Variants in COL24A1 observed in about 807,000 individuals in gnomAD.
COL24A1 encodes the protein collagen type XXIV alpha 1 chain.
A neutral mutation model predicts 253.9 loss-of-function variants in COL24A1; 224 were observed. The ratio of observed to expected loss-of-function variants is 0.88; its 90% CI spans 0.79 to 0.99. The LOEUF is 0.99. COL24A1 is among the 50% of genes least tolerant of loss of function. The probability of loss-of-function intolerance (pLI) is 0.00; values close to 1 mark genes in which losing one functional copy is unlikely to be tolerated. For synonymous variants in COL24A1, 685 were observed against 673.7 expected, an observed-to-expected ratio of 1.02 and a Z score of -0.26; for missense variants, 2,131 against 2,068.5, an observed-to-expected ratio of 1.03 and a Z score of -0.59.
intron 2 of COL24A1, among the ~76,000 whole-genome samples, chr1:86,139,590 T>C (rs1432875251): frequency 1.3e-5 from 2 of 152,196 alleles, no homozygotes; most frequent in Non-Finnish European, 1.5e-5. Flanking sequence ...AAAGGAGTAA[T>C]ATATCGCTTT....
intron 39 of COL24A1, among the ~76,000 whole-genome samples, chr1:85,842,625 C>G (rs1474092021): frequency 7.3e-6 from 1 of 136,540 alleles, no homozygotes; most frequent in Admixed American, 7.4e-5. Flanking sequence ...ATATAAATAT[C>G]CTTAATCATA....
intron 2 of COL24A1, among the ~76,000 whole-genome samples, chr1:86,144,704 G>T (rs2102408907): frequency 6.6e-6 from 1 of 150,644 alleles, no homozygotes; most frequent in African/African-American, 2.4e-5. Flanking sequence ...GTCAAAATAT[G>T]AGCTCAAATC....
At chr1:86,042,785 C>T (rs1559099754) in intron 12 of COL24A1, among the ~76,000 whole-genome samples, 2 of 152,146 alleles carry the variant, frequency 1.3e-5, no homozygotes, top group Non-Finnish European at 2.9e-5. Context: ...TTTATAGTAA[C>T]ATCTTCCCAA....
At position 86,022,343 on chromosome 1, in the gene COL24A1, G is replaced by C. The variant is rs780659834; in HGVS notation, c.2203-50C>G. Reference sequence around the variant, plus strand: ...GAAAGTTATTATACCACAAAAGGCAGACATACCACTATTTACAAACTGCTA... The same window carrying C: ...GAAAGTTATTATACCACAAAAGGCACACATACCACTATTTACAAACTGCTA... On this transcript the variant is annotated intron_variant, in intron 17 of 59. Coordinates refer to ENST00000370571, the MANE Select transcript of COL24A1 (RefSeq NM_152890.7). The C allele has an allele frequency of 1.3e-5, 19 of 1,518,234 alleles. No homozygotes were observed. The Admixed American group carries it at 3.2e-4, about 25-fold the overall frequency. The allele number at this position is 1,518,234 out of a possible 1,614,324, so 94.0% of individuals were successfully genotyped here.
At chr1:85,819,435 C>T (rs980346359) in intron 45 of COL24A1, among the ~76,000 whole-genome samples, 2 of 151,896 alleles carry the variant, frequency 1.3e-5, no homozygotes, top group African/African-American at 4.8e-5. Context: ...CGAGATATAT[C>T]TGTTCTATAC....
At chr1:85,761,636 ATAT>A (rs1375623771) in intron 53 of COL24A1, 70 bp from the exon 54 acceptor site, 2 of 1,473,054 alleles carry the variant, frequency 1.4e-6, no homozygotes, top group Non-Finnish European at 1.9e-6. Context: ...AAGATAACTA[ATAT>A]TCAACCTCTG....
intron 19 of COL24A1, among the ~76,000 whole-genome samples, chr1:86,000,069 C>G (rs1047055036): frequency 2.6e-5 from 4 of 152,182 alleles, no homozygotes; most frequent in African/African-American, 9.7e-5. Context: ...ACCTAGGTCT[C>G]TAGGCTCTGC....
intron 26 of COL24A1, 64 bp from the exon 27 acceptor site, chr1:85,908,715 G>A (rs947752373): frequency 2.0e-5 from 13 of 659,036 alleles, no homozygotes; most frequent in South Asian, 6.9e-5. Context: ...TTTCATTGAA[G>A]ACAAGCCAGT....
chr1:85,746,817 T>C (rs1665273330), intron 55 of COL24A1, among the ~76,000 whole-genome samples: 1 of 152,184 alleles, frequency 6.6e-6, no homozygotes, highest in Non-Finnish European at 1.5e-5. Context: ...AAATATTCTC[T>C]GCAGATTAAA....
intron 24 of COL24A1, among the ~76,000 whole-genome samples, chr1:85,921,898 G>A (rs191333424): frequency 3.3e-5 from 5 of 152,284 alleles, no homozygotes; most frequent in South Asian, 2.1e-4. Context: ...GGAACTCATC[G>A]CAAGTAAGCT....
chr1:86,038,071 T>A (rs185027384), intron 12 of COL24A1, among the ~76,000 whole-genome samples: 51 of 152,244 alleles, frequency 3.3e-4, no homozygotes, highest in African/African-American at 1.1e-3. Flanking sequence ...CTGTCGCCAA[T>A]GTAAAAAAAA....
At chr1:86,003,471 A>G (rs980538323) in intron 19 of COL24A1, among the ~76,000 whole-genome samples, 4 of 152,192 alleles carry the variant, frequency 2.6e-5, no homozygotes, top group African/African-American at 9.7e-5. Flanking sequence ...CTACAGGAAT[A>G]TGTGTTAGGG....
chr1:85,899,427 T>C (rs551462431), intron 28 of COL24A1, among the ~76,000 whole-genome samples: 63 of 152,256 alleles, frequency 4.1e-4, no homozygotes, highest in African/African-American at 1.3e-3. Context: ...ACAGCATCAA[T>C]AGAAAACAAA....
At chr1:85,976,135 C>T (rs545029685) in intron 20 of COL24A1, among the ~76,000 whole-genome samples, 12 of 152,228 alleles carry the variant, frequency 7.9e-5, no homozygotes, top group Non-Finnish European at 1.0e-4. Flanking sequence ...GAGGGTGAAA[C>T]GGAACTGTTG....
intron 31 of COL24A1, among the ~76,000 whole-genome samples, chr1:85,895,083 T>A (rs1043366145): frequency 6.6e-6 from 1 of 152,174 alleles, no homozygotes; most frequent in Non-Finnish European, 1.5e-5. Context: ...AGTAAAAATA[T>A]CCATATACTT....
intron 12 of COL24A1, among the ~76,000 whole-genome samples, chr1:86,046,408 G>A (rs1222359327): frequency 2.6e-5 from 4 of 152,134 alleles, no homozygotes; most frequent in Admixed American, 2.0e-4. Context: ...ATGAGAAGCT[G>A]TTGCAAACTA....
At position 85,820,206 on chromosome 1, in the gene COL24A1, G is replaced by C. The variant is rs61411434; in HGVS notation, c.3790-2119C>G. 5.9e-5 allele frequency among the ~76,000 whole-genome samples: 9 copies of C among 152,202 alleles called. No individual in the cohort carries two copies. The East Asian group carries it at 1.7e-3, about 29-fold the overall frequency. On this transcript the variant is annotated intron_variant, in intron 45 of 59. Coordinates refer to ENST00000370571, the MANE Select transcript of COL24A1 (RefSeq NM_152890.7). ...ACTAATGCTCCCAGATAAGTTTGGG[G>C]ATCTGGGCACAAAGATGATGCCTAG...
At chr1:85,891,031 C>T (rs1478465729) in intron 31 of COL24A1, among the ~76,000 whole-genome samples, 6 of 151,814 alleles carry the variant, frequency 4.0e-5, no homozygotes, top group Non-Finnish European at 8.8e-5. Flanking sequence ...ACATGTTGAT[C>T]CTTTTGTAAA....
intron 37 of COL24A1, among the ~76,000 whole-genome samples, chr1:85,854,013 G>A (rs1678120356): frequency 1.3e-5 from 2 of 152,178 alleles, no homozygotes; most frequent in South Asian, 4.1e-4. Context: ...ATTGCTTTTG[G>A]AATCTTTGTC....
Sources: allele counts gnomAD v4.1 joint callset (sites outside exome capture counted in the v4.1 genomes callset), GRCh38; gene constraint gnomAD v4.1.1; transcripts MANE v1.5; gene names NCBI Gene and HGNC (gene_info 2026-07-23, HGNC 2026-07-21).